Variants in ARHGAP6 observed in about 807,000 individuals in gnomAD.
ARHGAP6 encodes Rho GTPase activating protein 6, also known as rho GTPase-activating protein 6.
Under a neutral mutation model 55.7 loss-of-function variants are expected in ARHGAP6, and 16 were observed. The observed-to-expected ratio is 0.29, with a 90% CI of 0.19 to 0.44. ARHGAP6 has a LOEUF of 0.44. Among genes scored for constraint, ARHGAP6 ranks in the 20% least tolerant of loss-of-function variants. The pLI is 1.00. For synonymous variants in ARHGAP6, 382 were observed against 360.9 expected (o/e 1.06, Z -0.66); for missense variants, 698 against 808.9 (o/e 0.86, Z 1.66).
At chrX:11,300,765 A>G (rs2048164054) in intron 1 of ARHGAP6, 1 of 537,088 alleles carries the variant, frequency 1.9e-6, no homozygotes, top group Non-Finnish European at 3.2e-6. Flanking sequence ...AAAATCATTC[A>G]TGTCTTTGTG....
intron 1 of ARHGAP6, among the ~76,000 whole-genome samples, chrX:11,632,802 GCCA>G (rs2052375477): frequency 1.8e-5 from 2 of 112,244 alleles, no homozygotes; most frequent in Non-Finnish European, 3.8e-5. Context: ...ACTGCTGGTA[GCCA>G]CCACATCTTC....
At chrX:11,350,954 A>C (rs969222636) in intron 1 of ARHGAP6, among the ~76,000 whole-genome samples, 14 of 110,947 alleles carry the variant, frequency 1.3e-4, no homozygotes, top group Non-Finnish European at 2.3e-4. Flanking sequence ...GTTATTAGTG[A>C]AAAAGACTTC....
chrX:11,379,477 A>G (rs747271567), intron 1 of ARHGAP6, among the ~76,000 whole-genome samples: 1 of 112,256 alleles, frequency 8.9e-6, no homozygotes, highest in African/African-American at 3.2e-5. Context: ...AACTACTGGA[A>G]CCTTTCAAAG....
At chrX:11,630,085 A>G (rs10126676) in intron 1 of ARHGAP6, among the ~76,000 whole-genome samples, 13,837 of 110,528 alleles carry the variant, frequency 0.13, 798 homozygotes, top group Middle Eastern at 0.23. Context: ...CTGTTGTCTC[A>G]AAGTGACAAG....
At chrX:11,598,976 T>G (rs1218487524) in intron 1 of ARHGAP6, among the ~76,000 whole-genome samples, 1 of 111,203 alleles carries the variant, frequency 9.0e-6, no homozygotes, top group African/African-American at 3.3e-5. Context: ...GAGAATTGCT[T>G]GAGCCTGGGG....
intron 1 of ARHGAP6, among the ~76,000 whole-genome samples, chrX:11,608,924 C>T (rs981628180): frequency 3.6e-5 from 4 of 111,541 alleles, no homozygotes; most frequent in Admixed American, 9.5e-5. Flanking sequence ...AGTGTAAAAA[C>T]GGACTAATAC....
chrX:11,621,085 G>A (rs1048744129), intron 1 of ARHGAP6, among the ~76,000 whole-genome samples: 2 of 111,057 alleles, frequency 1.8e-5, no homozygotes, highest in African/African-American at 3.3e-5. Flanking sequence ...TGGGGACCCC[G>A]GTGGACATCA....
At chrX:11,208,454 T>C (rs751734540) in intron 2 of ARHGAP6, among the ~76,000 whole-genome samples, 1 of 111,695 alleles carries the variant, frequency 9.0e-6, no homozygotes, top group African/African-American at 3.3e-5. Flanking sequence ...CTGCACATTT[T>C]AGGAAGAGAG....
At chrX:11,544,240 A>T (rs893351540) in intron 1 of ARHGAP6, among the ~76,000 whole-genome samples, 1 of 112,434 alleles carries the variant, frequency 8.9e-6, no homozygotes, top group Admixed American at 9.4e-5. Flanking sequence ...ATGATAAAAA[A>T]CAATGCATGA....
intron 1 of ARHGAP6, among the ~76,000 whole-genome samples, chrX:11,399,071 A>G (rs935176198): frequency 8.9e-5 from 10 of 112,099 alleles, no homozygotes; most frequent in Non-Finnish European, 1.3e-4. Flanking sequence ...CAAAAGCCCA[A>G]CAGAAAAATC....
intron 1 of ARHGAP6, among the ~76,000 whole-genome samples, chrX:11,578,398 G>A (rs913955905): frequency 8.9e-5 from 10 of 112,227 alleles, no homozygotes; most frequent in Non-Finnish European, 1.9e-4. Context: ...TTCAAAAGAA[G>A]ACATTTATGC....
intron 1 of ARHGAP6, among the ~76,000 whole-genome samples, chrX:11,590,796 GA>G (rs1362045821): frequency 1.9e-4 from 4 of 21,583 alleles, no homozygotes; most frequent in African/African-American, 5.5e-4. Context: ...GAAAAGAAAA[GA>G]AAAGAAAAGA....
At chrX:11,227,009 T>C (rs1162948534) in intron 2 of ARHGAP6, among the ~76,000 whole-genome samples, 1 of 112,486 alleles carries the variant, frequency 8.9e-6, no homozygotes, top group Non-Finnish European at 1.9e-5. Flanking sequence ...TGTAGATGTA[T>C]ATTATTTAGG....
chrX:11,504,307 T>C (rs1048690563), intron 1 of ARHGAP6, among the ~76,000 whole-genome samples: 2 of 111,781 alleles, frequency 1.8e-5, no homozygotes, highest in Non-Finnish European at 3.8e-5. Context: ...ACCTCTGTAC[T>C]ATTGACATTT....
At chrX:11,298,033 T>C (rs1763851760) in intron 1 of ARHGAP6, 4 of 1,014,751 alleles carry the variant, frequency 3.9e-6, no homozygotes, top group Non-Finnish European at 5.6e-6. Flanking sequence ...ATGTGTGTGA[T>C]GGATGTAAAC....
intron 1 of ARHGAP6, among the ~76,000 whole-genome samples, chrX:11,374,892 C>CA (rs2049183608): frequency 9.0e-6 from 1 of 111,699 alleles, no homozygotes; most frequent in Admixed American, 9.5e-5. Flanking sequence ...TACCATCCTA[C>CA]TGACTCCCCT....
chrX:11,327,114 GA>G (rs2048509002), intron 1 of ARHGAP6, among the ~76,000 whole-genome samples: 1 of 111,235 alleles, frequency 9.0e-6, no homozygotes. Flanking sequence ...TGCTAGGAAG[GA>G]AAAAAAAGTT....
chrX:11,240,846 A>T (rs753867500), intron 2 of ARHGAP6, among the ~76,000 whole-genome samples: 1 of 104,700 alleles, frequency 9.6e-6, no homozygotes, highest in South Asian at 4.6e-4. Context: ...GAAGTTTGAG[A>T]CCATCCTGGG....
chrX:11,386,512 G>A (rs2049329916), intron 1 of ARHGAP6, among the ~76,000 whole-genome samples: 1 of 111,463 alleles, frequency 9.0e-6, no homozygotes, highest in Non-Finnish European at 1.9e-5. Context: ...TGAGGCCTAG[G>A]ATGGTTTGCC....
Sources: gnomAD v4.1 joint callset for allele counts (sites outside exome capture counted in the v4.1 genomes callset) on GRCh38, gnomAD v4.1.1 for gene constraint, MANE v1.5 for transcripts, NCBI Gene and HGNC (gene_info 2026-07-23, HGNC 2026-07-21) for gene names.